RBFOX1: variants seen among roughly 807,000 people sequenced by gnomAD.
RBFOX1 encodes RNA binding fox-1 homolog 1.
A neutral mutation model predicts 57.7 loss-of-function variants in RBFOX1; 8 were observed. That is an observed-to-expected ratio of 0.14 (90% CI 0.08 to 0.25). The LOEUF (loss-of-function observed/expected upper bound fraction) is 0.25. Ranked by LOEUF, RBFOX1 falls within the 10% of genes least tolerant of loss-of-function variation. RBFOX1 has a pLI of 1.00. For synonymous variants in RBFOX1, 326 were observed against 222.4 expected (o/e 1.47, Z -4.15); for missense variants, 611 against 548.5 (o/e 1.11, Z -1.14).
intron 3 of RBFOX1, among the ~76,000 whole-genome samples, chr16:6,955,101 C>T (rs187090093): frequency 6.7e-6 from 1 of 150,228 alleles, no homozygotes; most frequent in African/African-American, 2.4e-5. Context: ...ATTAGCTGGG[C>T]ATGGTGGATT....
chr16:5,831,439 G>T (rs1198252584), intron 3 of RBFOX1, among the ~76,000 whole-genome samples: 2 of 151,412 alleles, frequency 1.3e-5, no homozygotes, highest in Non-Finnish European at 2.9e-5. Context: ...TGTATATCCT[G>T]TAGAACTGTA....
chr16:7,243,099 T>C (rs2152980394), intron 4 of RBFOX1, among the ~76,000 whole-genome samples: 1 of 152,306 alleles, frequency 6.6e-6, no homozygotes, highest in Non-Finnish European at 1.5e-5. Context: ...CTGAACGTTT[T>C]AGGAATATCA....
intron 1 of RBFOX1, among the ~76,000 whole-genome samples, chr16:6,272,202 G>A (rs1306297252): frequency 1.3e-5 from 2 of 152,006 alleles, no homozygotes; most frequent in African/African-American, 2.4e-5. Flanking sequence ...ATCATTCACC[G>A]AATCTTATCA....
At chr16:7,233,592 G>C (rs1247060924) in intron 4 of RBFOX1, among the ~76,000 whole-genome samples, 3 of 152,160 alleles carry the variant, frequency 2.0e-5, no homozygotes, top group African/African-American at 4.8e-5. Context: ...TGGTGGTATA[G>C]TCTGGGGAAT....
intron 11 of RBFOX1, among the ~76,000 whole-genome samples, chr16:7,649,867 G>A (rs1353736116): frequency 6.6e-6 from 1 of 152,068 alleles, no homozygotes. Flanking sequence ...GGAGGAACAG[G>A]GCAGCCCTCT....
chr16:5,502,709 T>C (rs2043241546), intron 2 of RBFOX1, among the ~76,000 whole-genome samples: 1 of 152,232 alleles, frequency 6.6e-6, no homozygotes, highest in South Asian at 2.1e-4. Context: ...GAATCCTCTA[T>C]TGAGTTATAG....
intron 1 of RBFOX1, among the ~76,000 whole-genome samples, chr16:5,447,775 A>T (rs1178485775): frequency 6.6e-6 from 1 of 152,198 alleles, no homozygotes; most frequent in East Asian, 1.9e-4. Flanking sequence ...TTTTCTCTGC[A>T]GATGGCAGTG....
intron 1 of RBFOX1, among the ~76,000 whole-genome samples, chr16:5,285,415 T>C (rs944869787): frequency 6.6e-5 from 10 of 152,226 alleles, no homozygotes; most frequent in Non-Finnish European, 1.2e-4. Context: ...TGAGTTTCTT[T>C]AATGTCATTA....
chr16:6,528,028 G>C (rs751447243), intron 2 of RBFOX1, among the ~76,000 whole-genome samples: 5 of 152,008 alleles, frequency 3.3e-5, no homozygotes, highest in Non-Finnish European at 7.4e-5. Flanking sequence ...TCTCTATGTT[G>C]AATTTCCTTC....
chr16:7,082,102 C>A (rs142069871), intron 4 of RBFOX1, among the ~76,000 whole-genome samples: 3 of 152,272 alleles, frequency 2.0e-5, no homozygotes, highest in African/African-American at 7.2e-5. Context: ...CTGGGAGAAC[C>A]ACTCTGGAGA....
intron 3 of RBFOX1, among the ~76,000 whole-genome samples, chr16:5,828,061 C>T (rs559864490): frequency 6.6e-6 from 1 of 151,928 alleles, no homozygotes; most frequent in Admixed American, 6.6e-5. Flanking sequence ...ACCCACCCAT[C>T]CATCCATCCT....
intron 4 of RBFOX1, among the ~76,000 whole-genome samples, chr16:5,975,820 T>A (rs1024117386): frequency 3.9e-5 from 6 of 152,330 alleles, no homozygotes; most frequent in African/African-American, 1.4e-4. Flanking sequence ...GCGCTCGACA[T>A]ATAGTAATAA....
intron 3 of RBFOX1, among the ~76,000 whole-genome samples, chr16:6,926,691 T>C (rs1177461859): frequency 1.3e-5 from 2 of 152,194 alleles, no homozygotes; most frequent in Non-Finnish European, 2.9e-5. Context: ...GTAAAAATGC[T>C]ACTTAGCTCT....
chr16:7,295,399 G>C (rs1456871291), intron 4 of RBFOX1, among the ~76,000 whole-genome samples: 1 of 152,086 alleles, frequency 6.6e-6, no homozygotes, highest in African/African-American at 2.4e-5. Context: ...CTGGTCAGGG[G>C]CTGAAAATAG....
chr16:5,721,769 T>G (rs1596961919), intron 3 of RBFOX1, among the ~76,000 whole-genome samples: 1 of 152,220 alleles, frequency 6.6e-6, no homozygotes, highest in Admixed American at 6.5e-5. Flanking sequence ...GAATTATTAT[T>G]CCCTGGATTC....
chr16:5,657,836 C>A (rs1247999872), intron 3 of RBFOX1, among the ~76,000 whole-genome samples: 2 of 148,768 alleles, frequency 1.3e-5, no homozygotes, highest in East Asian at 4.0e-4. Context: ...AGTTCAAGCT[C>A]TTCTGTTGCT....
intron 4 of RBFOX1, among the ~76,000 whole-genome samples, chr16:7,360,884 A>G (rs532880855): frequency 6.6e-6 from 1 of 152,134 alleles, no homozygotes; most frequent in African/African-American, 2.4e-5. Flanking sequence ...TCGAGTATCT[A>G]TTTAGAGTCC....
intron 4 of RBFOX1, among the ~76,000 whole-genome samples, chr16:5,969,168 G>A (rs2059909872): frequency 6.6e-6 from 1 of 151,856 alleles, no homozygotes; most frequent in East Asian, 1.9e-4. Flanking sequence ...ATAGAATGTT[G>A]CAGCATTGAT....
intron 3 of RBFOX1, among the ~76,000 whole-genome samples, chr16:5,799,996 T>C (rs971769934): frequency 2.0e-5 from 3 of 152,132 alleles, no homozygotes; most frequent in African/African-American, 4.8e-5. Flanking sequence ...TCCCAAGATA[T>C]ATTTGCATGT....
Sources: gnomAD v4.1 joint callset for allele counts (sites outside exome capture counted in the v4.1 genomes callset) on GRCh38, gnomAD v4.1.1 for gene constraint, MANE v1.5 for transcripts, NCBI Gene and HGNC (gene_info 2026-07-23, HGNC 2026-07-21) for gene names.